DPH6: variants seen among roughly 807,000 people sequenced by gnomAD.
DPH6 encodes the protein diphthamine biosynthesis 6, also known as diphthine--ammonia ligase.
In DPH6, 33 loss-of-function variants were observed where a neutral mutation model predicts 38.2. The observed-to-expected ratio is 0.86, with a 90% CI of 0.65 to 1.15. DPH6 has a LOEUF of 1.15. Ranked by LOEUF, DPH6 falls within the 50% of genes most tolerant of loss-of-function variation. The pLI is 0.00. For synonymous variants in DPH6, 108 were observed against 103.0 expected, an observed-to-expected ratio of 1.05 and a Z score of -0.30; for missense variants, 325 against 320.0, an observed-to-expected ratio of 1.02 and a Z score of -0.12.
chr15:35,308,204 G>T (rs1322551722), intron 3 of DPH6, among the ~76,000 whole-genome samples: 1 of 152,090 alleles, frequency 6.6e-6, no homozygotes, highest in African/African-American at 2.4e-5. Context: ...AGGAGGTTGA[G>T]GCTGCAGTCA....
intron 3 of DPH6, among the ~76,000 whole-genome samples, chr15:35,231,877 G>A (rs7162217): frequency 0.2 from 29,981 of 151,948 alleles, 3,268 homozygotes; most frequent in South Asian, 0.31. Flanking sequence ...TCATGATCTC[G>A]CAGGAGCAAA....
the DPH6 span, among the ~76,000 whole-genome samples, chr15:35,195,882 T>C: frequency 6.6e-6 from 1 of 151,938 alleles, no homozygotes; most frequent in Non-Finnish European, 1.5e-5. Flanking sequence ...CCTTGTCCCT[T>C]CTGTAGCTAT....
chr15:35,341,652 A>G (rs1006444455), intron 3 of DPH6, among the ~76,000 whole-genome samples: 1 of 152,182 alleles, frequency 6.6e-6, no homozygotes, highest in Admixed American at 6.6e-5. Context: ...GGTCCACTCC[A>G]GACTCTAGTT....
At chr15:35,326,104 T>C (rs2052280173), downstream of DPH6, among the ~76,000 whole-genome samples, 1 of 152,174 alleles carries the variant, frequency 6.6e-6, no homozygotes, top group Admixed American at 6.5e-5. Context: ...GAAGTAGAAA[T>C]TGGCACTATG....
At chr15:35,354,352 T>C (rs374232518) in intron 3 of DPH6, among the ~76,000 whole-genome samples, 3 of 152,194 alleles carry the variant, frequency 2.0e-5, no homozygotes, top group African/African-American at 7.2e-5. Flanking sequence ...CATCCCTGTC[T>C]TGTGCCAGTT....
chr15:35,397,868 T>TATATACACACACACAC (rs752473433), intron 6 of DPH6, among the ~76,000 whole-genome samples: 1 of 87,256 alleles, frequency 1.1e-5, no homozygotes, highest in Non-Finnish European at 2.4e-5. Flanking sequence ...TTTATATATA[T>TATATACACACACACAC]ACACACACAC....
intron 3 of DPH6, among the ~76,000 whole-genome samples, chr15:35,474,323 G>C (rs555277965): frequency 1.3e-5 from 2 of 152,076 alleles, no homozygotes; most frequent in East Asian, 1.9e-4. Flanking sequence ...CTAGAGTCAC[G>C]AGGTTTCAAA....
chr15:35,404,311 T>C (rs1036144061), intron 6 of DPH6, among the ~76,000 whole-genome samples: 17 of 152,170 alleles, frequency 1.1e-4, no homozygotes, highest in African/African-American at 4.1e-4. Flanking sequence ...CAAACACTTC[T>C]CCAGAGTAGT....
chr15:35,543,106 G>A (rs1256827295), intron 1 of DPH6, among the ~76,000 whole-genome samples: 4 of 146,408 alleles, frequency 2.7e-5, no homozygotes, highest in Non-Finnish European at 6.0e-5. Flanking sequence ...AAAGATTTGA[G>A]TACCTAGCTA....
chr15:35,488,729 A>G (rs978123501), intron 3 of DPH6, among the ~76,000 whole-genome samples: 7 of 152,316 alleles, frequency 4.6e-5, no homozygotes, highest in African/African-American at 1.7e-4. Flanking sequence ...ATTGTACATT[A>G]TGTAAAATAA....
intron 3 of DPH6, among the ~76,000 whole-genome samples, chr15:35,306,948 G>A (rs143347557): frequency 1.3e-5 from 2 of 152,304 alleles, no homozygotes; most frequent in East Asian, 1.9e-4. Context: ...GTTTCAGAGC[G>A]AGGTGGCCGA....
intron 3 of DPH6, among the ~76,000 whole-genome samples, chr15:35,523,987 C>T (rs373897446): frequency 1.7e-4 from 26 of 151,708 alleles, no homozygotes; most frequent in East Asian, 7.7e-4. Context: ...AACCACAGAT[C>T]GTGGTTTTTT....
At chr15:35,180,244 TAA>T in the DPH6 span, among the ~76,000 whole-genome samples, 1 of 152,076 alleles carries the variant, frequency 6.6e-6, no homozygotes, top group Non-Finnish European at 1.5e-5. Context: ...AATAAGTGAA[TAA>T]ACTCATTAAT....
At chr15:35,322,595 T>C (rs1197413157) in intron 3 of DPH6, among the ~76,000 whole-genome samples, 3 of 152,206 alleles carry the variant, frequency 2.0e-5, no homozygotes, top group East Asian at 3.8e-4. Context: ...CATTTCTCTT[T>C]TTTCTTTGGA....
chr15:35,468,697 G>A (rs532825153), intron 3 of DPH6, among the ~76,000 whole-genome samples: 1 of 151,942 alleles, frequency 6.6e-6, no homozygotes, highest in Non-Finnish European at 1.5e-5. Flanking sequence ...AAACAAGAAG[G>A]GGAAAAAAAC....
At chr15:35,269,673 C>T (rs1039284823) in intron 3 of DPH6, among the ~76,000 whole-genome samples, 2 of 151,132 alleles carry the variant, frequency 1.3e-5, no homozygotes, top group African/African-American at 4.9e-5. Flanking sequence ...CTCCTGACCT[C>T]GTGATCCGCC....
intron 6 of DPH6, among the ~76,000 whole-genome samples, chr15:35,399,685 AT>A (rs2053192166): frequency 6.6e-6 from 1 of 152,204 alleles, no homozygotes; most frequent in Admixed American, 6.5e-5. Flanking sequence ...AGGAATCAGA[AT>A]GGCTTTGGGC....
At chr15:35,436,050 C>T (rs924884776) in intron 5 of DPH6, among the ~76,000 whole-genome samples, 5 of 151,980 alleles carry the variant, frequency 3.3e-5, no homozygotes, top group Non-Finnish European at 1.5e-5. Context: ...GCTGCCCTGG[C>T]CCCAGGGCAG....
At chr15:35,268,177 AAATAAATAAAT>A in intron 3 of DPH6, among the ~76,000 whole-genome samples, 1 of 4,892 alleles carries the variant, frequency 2.0e-4, no homozygotes, top group East Asian at 0.033. Flanking sequence ...CTCAAAAAAT[AAATAAATAAAT>A]AAATAAATAA....
Sources: allele counts gnomAD v4.1 joint callset (sites outside exome capture counted in the v4.1 genomes callset), GRCh38; gene constraint gnomAD v4.1.1; transcripts MANE v1.5; gene names NCBI Gene and HGNC (gene_info 2026-07-23, HGNC 2026-07-21).